The following PTPRD variants were observed in gnomAD, a reference collection of about 807,000 sequenced individuals.
The protein encoded by PTPRD is receptor-type tyrosine-protein phosphatase delta.
A neutral mutation model predicts 214.5 loss-of-function variants in PTPRD; 34 were observed. That is an observed-to-expected ratio of 0.16 (90% CI 0.12 to 0.21). The LOEUF is 0.21. Among genes scored for constraint, PTPRD ranks in the 10% least tolerant of loss-of-function variants. The pLI, the probability that PTPRD is intolerant of heterozygous loss-of-function variation, is 1.00. For synonymous variants in PTPRD, 1,128 were observed against 845.7 expected (o/e 1.33, Z -5.79); for missense variants, 2,545 against 2,398.7 (o/e 1.06, Z -1.27).
intron 2 of PTPRD, among the ~76,000 whole-genome samples, chr9:10,522,892 C>A (rs941150224): frequency 6.6e-6 from 1 of 151,866 alleles, no homozygotes; most frequent in East Asian, 1.9e-4. Context: ...CAACAGTGTT[C>A]ATCTAAGAAG....
At chr9:9,581,140 T>G (rs1324886644) in intron 7 of PTPRD, among the ~76,000 whole-genome samples, 2 of 152,116 alleles carry the variant, frequency 1.3e-5, no homozygotes, top group African/African-American at 4.8e-5. Context: ...GAATAGTAAA[T>G]AGATTAGAAA....
chr9:10,076,941 C>A (rs2098141301), intron 3 of PTPRD, among the ~76,000 whole-genome samples: 1 of 152,102 alleles, frequency 6.6e-6, no homozygotes, highest in Non-Finnish European at 1.5e-5. Context: ...CATTGCTTAG[C>A]CATATAGCTT....
At chr9:8,708,568 A>G (rs2098258031) in intron 12 of PTPRD, among the ~76,000 whole-genome samples, 1 of 151,388 alleles carries the variant, frequency 6.6e-6, no homozygotes, top group Non-Finnish European at 1.5e-5. Flanking sequence ...AATCCCAGCT[A>G]CTCAGGAGAC....
chr9:9,916,349 C>T (rs1172121516), intron 5 of PTPRD, among the ~76,000 whole-genome samples: 3 of 151,662 alleles, frequency 2.0e-5, no homozygotes. Flanking sequence ...TATAGAAAAC[C>T]AACCAACCAC....
chr9:10,552,246 C>A (rs546733347), intron 2 of PTPRD, among the ~76,000 whole-genome samples: 5 of 146,812 alleles, frequency 3.4e-5, no homozygotes, highest in East Asian at 2.7e-4. Context: ...GAACAGAAAA[C>A]CAAGCTTTTT....
At chr9:10,196,494 C>A (rs2154329053) in intron 3 of PTPRD, among the ~76,000 whole-genome samples, 1 of 152,262 alleles carries the variant, frequency 6.6e-6, no homozygotes, top group Admixed American at 6.5e-5. Context: ...CACCCCTCTG[C>A]ATAGACTCTG....
chr9:10,302,132 A>T (rs1178750681), intron 3 of PTPRD, among the ~76,000 whole-genome samples: 1 of 152,168 alleles, frequency 6.6e-6, no homozygotes, highest in African/African-American at 2.4e-5. Flanking sequence ...TTCTTAAAGA[A>T]TTTTCAACCC....
At chr9:10,185,042 C>T (rs1342769310) in intron 3 of PTPRD, among the ~76,000 whole-genome samples, 2 of 151,928 alleles carry the variant, frequency 1.3e-5, no homozygotes, top group Non-Finnish European at 1.5e-5. Flanking sequence ...GAGATTAATG[C>T]AGTATAAACA....
intron 11 of PTPRD, among the ~76,000 whole-genome samples, chr9:8,771,180 C>CAAA (rs35840345): frequency 0.017 from 2,458 of 141,022 alleles, 72 homozygotes; most frequent in Admixed American, 0.064. Context: ...GATTCCGTCT[C>CAAA]AAAAAAAAAA....
intron 3 of PTPRD, among the ~76,000 whole-genome samples, chr9:10,271,634 C>A (rs1003702603): frequency 2.0e-5 from 3 of 150,684 alleles, no homozygotes; most frequent in African/African-American, 4.9e-5. Flanking sequence ...CCTCCGCCTC[C>A]CAGGTTCAAG....
chr9:9,343,620 G>C (rs989781967), intron 9 of PTPRD, among the ~76,000 whole-genome samples: 4 of 152,026 alleles, frequency 2.6e-5, no homozygotes, highest in Admixed American at 6.6e-5. Context: ...TAGCATTGGA[G>C]AAACTATTTT....
intron 8 of PTPRD, among the ~76,000 whole-genome samples, chr9:9,544,564 T>C (rs540804594): frequency 3.3e-5 from 5 of 151,690 alleles, no homozygotes; most frequent in Admixed American, 6.6e-5. Context: ...TCTTCAAATG[T>C]ATTCTGAACC....
At chr9:9,539,360 A>C (rs1385604076) in intron 8 of PTPRD, among the ~76,000 whole-genome samples, 2 of 151,852 alleles carry the variant, frequency 1.3e-5, no homozygotes, top group Non-Finnish European at 2.9e-5. Flanking sequence ...AAAAAAGGAA[A>C]GACATCGTGA....
At chr9:9,692,176 A>AATTGTAATCCCCTGTGTT (rs2097285069) in intron 7 of PTPRD, among the ~76,000 whole-genome samples, 1 of 151,108 alleles carries the variant, frequency 6.6e-6, no homozygotes, top group African/African-American at 2.5e-5. Context: ...TGCTTGTGGG[A>AATTGTAATCCCCTGTGTT]TATTCATGAA....
At chr9:9,572,455 T>C (rs1156332490) in intron 8 of PTPRD, among the ~76,000 whole-genome samples, 2 of 151,096 alleles carry the variant, frequency 1.3e-5, no homozygotes, top group Non-Finnish European at 3.0e-5. Flanking sequence ...CTGTGGCAAG[T>C]ACACATTTGC....
intron 7 of PTPRD, among the ~76,000 whole-genome samples, chr9:9,699,717 G>A (rs1397301118): frequency 6.6e-6 from 1 of 152,176 alleles, no homozygotes; most frequent in East Asian, 1.9e-4. Flanking sequence ...ATTGAAAGAA[G>A]AGGGACCGTT....
At chr9:9,724,470 G>A (rs759627422) in intron 7 of PTPRD, among the ~76,000 whole-genome samples, 17 of 152,200 alleles carry the variant, frequency 1.1e-4, no homozygotes, top group Non-Finnish European at 2.1e-4. Context: ...ATGTACATAT[G>A]AATATATATT....
intron 11 of PTPRD, among the ~76,000 whole-genome samples, chr9:9,003,036 T>A (rs1361406539): frequency 6.6e-6 from 1 of 152,108 alleles, no homozygotes; most frequent in Non-Finnish European, 1.5e-5. Context: ...ATGCTTTTAA[T>A]GCCTGGAGAG....
At chr9:10,338,423 CT>C (rs1465079420) in intron 3 of PTPRD, among the ~76,000 whole-genome samples, 1 of 151,734 alleles carries the variant, frequency 6.6e-6, no homozygotes, top group Non-Finnish European at 1.5e-5. Context: ...GACAAAAGAC[CT>C]GTCAGTTACA....
Sources: allele counts gnomAD v4.1 joint callset (sites outside exome capture counted in the v4.1 genomes callset), GRCh38; gene constraint gnomAD v4.1.1; transcripts MANE v1.5; gene names NCBI Gene and HGNC (gene_info 2026-07-23, HGNC 2026-07-21).